The following LRRTM3 variants were observed in gnomAD, a reference collection of about 807,000 sequenced individuals.
LRRTM3 encodes leucine rich repeat transmembrane neuronal 3.
A neutral mutation model predicts 44.7 loss-of-function variants in LRRTM3; 24 were observed. That is an observed-to-expected ratio of 0.54 (90% CI 0.39 to 0.76). The LOEUF (loss-of-function observed/expected upper bound fraction) is 0.76, where lower values mean the gene tolerates loss of function less well. Ranked by LOEUF, LRRTM3 falls within the 30% of genes least tolerant of loss-of-function variation. The pLI is 0.00. For missense variants in LRRTM3, 587 were observed against 702.2 expected, an observed-to-expected ratio of 0.84 and a Z score of 1.85; for synonymous variants, 277 against 278.7, an observed-to-expected ratio of 0.99 and a Z score of 0.06.
In LRRTM3 at chr10:67,037,584, T is replaced by G. The variant is rs529410269; in HGVS notation, c.1537-60003T>G. Among the ~76,000 whole-genome samples, 7 of 152,226 alleles carry G rather than the reference T, an allele frequency of 4.6e-5. No individual in the cohort carries two copies. In the South Asian group the frequency reaches 1.2e-3, roughly 27 times the overall value. On this transcript the variant is annotated intron_variant, in intron 2 of 2. Coordinates refer to ENST00000361320, the MANE Select transcript of LRRTM3 (RefSeq NM_178011.5). ...GAGATTTGAATGAAGTATGACTGGA[T>G]GCAAGGAGATGAATTAGAAAGCTGT...
At chr10:67,056,150 G>A (rs1327571150) in intron 2 of LRRTM3, among the ~76,000 whole-genome samples, 1 of 152,120 alleles carries the variant, frequency 6.6e-6, no homozygotes, top group Non-Finnish European at 1.5e-5. Flanking sequence ...AATACATACT[G>A]TCGCCCATTC....
chr10:67,045,755 AG>A (rs1261077858), intron 2 of LRRTM3, among the ~76,000 whole-genome samples: 1 of 152,120 alleles, frequency 6.6e-6, no homozygotes, highest in African/African-American at 2.4e-5. Context: ...TTTTTTTTAA[AG>A]AGGAGAAACC....
In LRRTM3 at chr10:67,098,026, T is replaced by A. The variant is rs970257548; in HGVS notation, c.*230T>A. On this transcript the variant is annotated 3_prime_UTR_variant, in exon 3 of 3. Coordinates refer to ENST00000361320, the MANE Select transcript of LRRTM3 (RefSeq NM_178011.5). Reference sequence around the variant, plus strand: ...AGTATTTTTTGACTTAAACAGAGTATGACCCTGAAAAATAAAAGAATCTTT... The same window carrying A: ...AGTATTTTTTGACTTAAACAGAGTAAGACCCTGAAAAATAAAAGAATCTTT... The A allele has an allele frequency of 2.1e-5, 11 of 535,180 alleles. No individual in the cohort carries two copies. In the South Asian group the frequency reaches 2.1e-4, roughly 10 times the overall value. 33.2% of individuals were successfully genotyped at this position (535,180 alleles called of 1,614,324 possible).
chr10:66,964,432 G>A (rs1443242592), intron 2 of LRRTM3, among the ~76,000 whole-genome samples: 1 of 151,914 alleles, frequency 6.6e-6, no homozygotes, highest in Non-Finnish European at 1.5e-5. Context: ...TACTGTCTTG[G>A]GAGAAGGCAA....
chr10:67,080,424 A>G (rs1427137658), intron 2 of LRRTM3, among the ~76,000 whole-genome samples: 1 of 152,182 alleles, frequency 6.6e-6, no homozygotes, highest in African/African-American at 2.4e-5. Flanking sequence ...TAATGAAAAA[A>G]CTGAATTCTG....
chr10:67,075,170 G>GCACACATACA (rs1554913440), intron 2 of LRRTM3, among the ~76,000 whole-genome samples: 1 of 149,640 alleles, frequency 6.7e-6, no homozygotes, highest in African/African-American at 2.5e-5. Context: ...AAGGATTTCT[G>GCACACATACA]CACACACACA....
intron 2 of LRRTM3, among the ~76,000 whole-genome samples, chr10:67,090,337 G>A (rs551334996): frequency 6.6e-6 from 1 of 152,216 alleles, no homozygotes; most frequent in East Asian, 1.9e-4. Flanking sequence ...AAGACCCAAT[G>A]TGCAAAGAAG....
chr10:66,959,984 T>A (rs1376941904), intron 2 of LRRTM3, among the ~76,000 whole-genome samples: 1 of 152,140 alleles, frequency 6.6e-6, no homozygotes, highest in Non-Finnish European at 1.5e-5. Context: ...ACAAGGCTAG[T>A]CTGTACTGAG....
At chr10:67,058,559 T>A (rs1261224636) in intron 2 of LRRTM3, among the ~76,000 whole-genome samples, 1 of 152,108 alleles carries the variant, frequency 6.6e-6, no homozygotes, top group Admixed American at 6.6e-5. Context: ...ATGAACTATA[T>A]CCCTCCTCAC....
intron 1 of LRRTM3, among the ~76,000 whole-genome samples, 164 bp from the exon 2 acceptor site, chr10:66,926,757 A>C (rs556485981): frequency 6.6e-6 from 1 of 152,226 alleles, no homozygotes; most frequent in Non-Finnish European, 1.5e-5. Flanking sequence ...TAAAAAAACA[A>C]AACACTAAAG....
At chr10:66,972,533 G>A (rs1030473776) in intron 2 of LRRTM3, among the ~76,000 whole-genome samples, 10 of 151,690 alleles carry the variant, frequency 6.6e-5, no homozygotes, top group East Asian at 1.9e-4. Flanking sequence ...ATTTGCTCTC[G>A]GAGAATAGTT....
At chr10:67,096,678 C>T (rs938813556) in intron 2 of LRRTM3, among the ~76,000 whole-genome samples, 31 of 151,746 alleles carry the variant, frequency 2.0e-4, no homozygotes, top group African/African-American at 6.8e-4. Flanking sequence ...ATTTCAGGCT[C>T]CCCTTTGTCT....
intron 2 of LRRTM3, among the ~76,000 whole-genome samples, chr10:67,019,784 G>A (rs977826007): frequency 3.3e-5 from 5 of 152,030 alleles, no homozygotes; most frequent in African/African-American, 1.2e-4. Flanking sequence ...TGTCCTATTT[G>A]ACTTTTGATG....
At chr10:67,056,774 T>G (rs1855456617) in intron 2 of LRRTM3, among the ~76,000 whole-genome samples, 1 of 152,202 alleles carries the variant, frequency 6.6e-6, no homozygotes, top group Admixed American at 6.5e-5. Flanking sequence ...ACAACTATGA[T>G]ATGAATAAAT....
chr10:67,082,037 AC>A (rs1205897634), intron 2 of LRRTM3, among the ~76,000 whole-genome samples: 1 of 152,226 alleles, frequency 6.6e-6, no homozygotes, highest in Non-Finnish European at 1.5e-5. Context: ...TACCTAGGCT[AC>A]CTTTGTTAGA....
chr10:67,048,202 T>C (rs1219471048), intron 2 of LRRTM3, among the ~76,000 whole-genome samples: 1 of 152,088 alleles, frequency 6.6e-6, no homozygotes, highest in Non-Finnish European at 1.5e-5. Context: ...AACAGTAGGA[T>C]TAACCTGGAA....
intron 2 of LRRTM3, among the ~76,000 whole-genome samples, chr10:66,980,268 C>A (rs904839969): frequency 6.6e-6 from 1 of 152,160 alleles, no homozygotes; most frequent in Non-Finnish European, 1.5e-5. Flanking sequence ...TTCCTTGTCT[C>A]TTCTCCTAAG....
intron 2 of LRRTM3, among the ~76,000 whole-genome samples, chr10:66,954,689 G>T (rs1223192132): frequency 6.6e-6 from 1 of 152,174 alleles, no homozygotes; most frequent in African/African-American, 2.4e-5. Context: ...GTGCTAGCAG[G>T]CCTCAAAATG....
intron 2 of LRRTM3, among the ~76,000 whole-genome samples, chr10:66,966,755 G>T (rs1470629627): frequency 1.3e-5 from 2 of 151,720 alleles, no homozygotes; most frequent in Non-Finnish European, 2.9e-5. Flanking sequence ...AACTTAGCAG[G>T]GTTCTAAATC....
Sources: gnomAD v4.1 joint callset for allele counts (sites outside exome capture counted in the v4.1 genomes callset) on GRCh38, gnomAD v4.1.1 for gene constraint, MANE v1.5 for transcripts, NCBI Gene and HGNC (gene_info 2026-07-23, HGNC 2026-07-21) for gene names.